The following NDUFS4 variants were observed in gnomAD, a reference collection of about 807,000 sequenced individuals.
NDUFS4 encodes the protein NADH dehydrogenase [ubiquinone] iron-sulfur protein 4, mitochondrial.
NDUFS4 carries 28 observed loss-of-function variants against 24.3 expected under a neutral mutation model. The ratio of observed to expected loss-of-function variants is 1.15; its 90% CI spans 0.85 to 1.58. NDUFS4 has a LOEUF of 1.58. Among genes scored for constraint, NDUFS4 ranks in the 40% most tolerant of loss-of-function variants. The pLI, the probability that NDUFS4 is intolerant of heterozygous loss-of-function variation, is 0.00. For synonymous variants in NDUFS4, 93 were observed against 69.7 expected (o/e 1.34, Z -1.67); for missense variants, 223 against 207.9 (o/e 1.07, Z -0.45).
intron 2 of NDUFS4, among the ~76,000 whole-genome samples, chr5:53,626,867 G>C (rs1751244556): frequency 6.6e-6 from 1 of 152,158 alleles, no homozygotes; most frequent in Admixed American, 6.5e-5. Context: ...CTTTTGCTGT[G>C]CAGTAGCTGT....
At chr5:53,655,621 CAATT>C (rs1015374369) in intron 3 of NDUFS4, among the ~76,000 whole-genome samples, 101 of 152,180 alleles carry the variant, frequency 6.6e-4, no homozygotes, top group Middle Eastern at 3.4e-3. Context: ...AATATTCAAA[CAATT>C]AATATAGAGA....
At chr5:53,572,841 T>G (rs1468970481) in intron 1 of NDUFS4, among the ~76,000 whole-genome samples, 2 of 152,090 alleles carry the variant, frequency 1.3e-5, no homozygotes, top group Non-Finnish European at 2.9e-5. Context: ...AGACGGGGTT[T>G]CACCATGTTG....
chr5:53,667,122 G>A (rs1283525604), intron 4 of NDUFS4, among the ~76,000 whole-genome samples: 2 of 152,052 alleles, frequency 1.3e-5, no homozygotes, highest in South Asian at 2.1e-4. Flanking sequence ...TGTTTCTTCA[G>A]CTACAGTGGA....
chr5:53,586,467 T>G (rs974283030), intron 1 of NDUFS4, among the ~76,000 whole-genome samples: 1 of 152,172 alleles, frequency 6.6e-6, no homozygotes, highest in African/African-American at 2.4e-5. Flanking sequence ...GTAGCAAACT[T>G]TACTGTAGTT....
chr5:53,561,397 GTTGAGGGC>G (rs1411033817), intron 1 of NDUFS4, among the ~76,000 whole-genome samples: 1 of 152,114 alleles, frequency 6.6e-6, no homozygotes, highest in Non-Finnish European at 1.5e-5. Context: ...GAATTGAGTT[GTTGAGGGC>G]TCTTTGCGTC....
chr5:53,620,975 T>C (rs1751017213), intron 2 of NDUFS4, among the ~76,000 whole-genome samples: 1 of 152,218 alleles, frequency 6.6e-6, no homozygotes, highest in Non-Finnish European at 1.5e-5. Context: ...CTAATAGTGT[T>C]ACTCACATTT....
intron 2 of NDUFS4, among the ~76,000 whole-genome samples, chr5:53,643,486 GAC>G (rs1751759145): frequency 6.6e-6 from 1 of 152,104 alleles, no homozygotes; most frequent in South Asian, 2.1e-4. Flanking sequence ...AAGCGTTGAA[GAC>G]ACAAGTAGAG....
chr5:53,683,274 A>G lies in NDUFS4; in HGVS notation c.*53A>G, dbSNP rs1388607873. On this transcript the variant is annotated 3_prime_UTR_variant, in exon 5 of 5. Coordinates refer to ENST00000296684, the MANE Select transcript of NDUFS4 (RefSeq NM_002495.4). ...CTGTGAATAAAGTCAGCTGTGCAGTATTTATAGTCCATGTATAATAAATAC... is the reference window on the plus strand; with the variant it reads ...CTGTGAATAAAGTCAGCTGTGCAGTGTTTATAGTCCATGTATAATAAATAC... 14 of 1,227,478 alleles carry G rather than the reference A, an allele frequency of 1.1e-5. No individual in the cohort carries two copies. The allele number at this position is 1,227,478 out of a possible 1,614,324, so 76.0% of individuals were successfully genotyped here.
intron 4 of NDUFS4, among the ~76,000 whole-genome samples, chr5:53,674,847 G>A (rs923903697): frequency 1.4e-4 from 21 of 151,522 alleles, no homozygotes; most frequent in Non-Finnish European, 2.2e-4. Flanking sequence ...AAAAAAATAC[G>A]CAAGTGGAAT....
intron 2 of NDUFS4, 41 bp downstream of exon 2, chr5:53,603,571 A>G: frequency 6.6e-7 from 1 of 1,516,062 alleles, no homozygotes; most frequent in African/African-American, 1.4e-5. Flanking sequence ...TTCTGCCTTC[A>G]GGGTTATTTT....
chr5:53,671,107 T>G (rs978029568), intron 4 of NDUFS4, among the ~76,000 whole-genome samples: 10 of 152,198 alleles, frequency 6.6e-5, no homozygotes, highest in African/African-American at 2.2e-4. Context: ...ACTATATACC[T>G]ATAGTATCTC....
chr5:53,678,353 C>T (rs1452343513), intron 4 of NDUFS4, among the ~76,000 whole-genome samples: 1 of 152,120 alleles, frequency 6.6e-6, no homozygotes, highest in African/African-American at 2.4e-5. Context: ...GTCAGCTTCT[C>T]ATCATTTAGG....
intron 2 of NDUFS4, among the ~76,000 whole-genome samples, chr5:53,611,974 A>C (rs1750711642): frequency 6.6e-6 from 1 of 152,084 alleles, no homozygotes; most frequent in African/African-American, 2.4e-5. Flanking sequence ...GTATACCTTC[A>C]ATTTGCTTTC....
chr5:53,603,011 G>A (rs1561355741), intron 1 of NDUFS4, among the ~76,000 whole-genome samples: 1 of 152,080 alleles, frequency 6.6e-6, no homozygotes, highest in Non-Finnish European at 1.5e-5. Context: ...AATACTTTTG[G>A]TGTGAAATTA....
chr5:53,659,009 C>T (rs1019776633), intron 4 of NDUFS4, among the ~76,000 whole-genome samples: 11 of 152,168 alleles, frequency 7.2e-5, no homozygotes, highest in South Asian at 6.2e-4. Flanking sequence ...TTCAGCCAAA[C>T]GTAATGCCAA....
chr5:53,649,795 A>G (rs747244508), intron 3 of NDUFS4, among the ~76,000 whole-genome samples: 17 of 152,182 alleles, frequency 1.1e-4, no homozygotes, highest in Non-Finnish European at 2.5e-4. Context: ...CATTCCCACC[A>G]TTAGGGTATA....
At chr5:53,608,493 C>G (rs1002546106) in intron 2 of NDUFS4, among the ~76,000 whole-genome samples, 1 of 152,210 alleles carries the variant, frequency 6.6e-6, no homozygotes, top group African/African-American at 2.4e-5. Flanking sequence ...GCCTCTTAAA[C>G]CCCACTGCTG....
intron 1 of NDUFS4, among the ~76,000 whole-genome samples, chr5:53,562,603 T>A (rs1031616131): frequency 2.6e-5 from 4 of 152,236 alleles, no homozygotes; most frequent in African/African-American, 7.2e-5. Flanking sequence ...AGACGTTTTT[T>A]AAATACAAAT....
intron 2 of NDUFS4, among the ~76,000 whole-genome samples, chr5:53,644,826 G>A (rs185199808): frequency 4.1e-4 from 62 of 152,154 alleles, no homozygotes; most frequent in East Asian, 1.9e-4. Flanking sequence ...AATTATTGAC[G>A]CAGGTGGAAA....
Sources: gnomAD v4.1 joint callset for allele counts (sites outside exome capture counted in the v4.1 genomes callset) on GRCh38, gnomAD v4.1.1 for gene constraint, MANE v1.5 for transcripts, NCBI Gene and HGNC (gene_info 2026-07-23, HGNC 2026-07-21) for gene names.